The following SCARB2 variants were observed in gnomAD, a reference collection of about 807,000 sequenced individuals.
The protein encoded by SCARB2 is scavenger receptor class B member 2, also known as lysosome membrane protein 2.
Under a neutral mutation model 58.6 loss-of-function variants are expected in SCARB2, and 29 were observed. That is an observed-to-expected ratio of 0.49 (90% CI 0.37 to 0.67). The LOEUF (loss-of-function observed/expected upper bound fraction) is 0.67, where lower values mean the gene tolerates loss of function less well. SCARB2 is among the 30% of genes least tolerant of loss of function. The probability of loss-of-function intolerance (pLI) is 0.00; values close to 1 mark genes in which losing one functional copy is unlikely to be tolerated. For missense variants in SCARB2, 488 were observed against 578.5 expected (o/e 0.84, Z 1.60); for synonymous variants, 195 against 210.1 (o/e 0.93, Z 0.62).
intron 7 of SCARB2, among the ~76,000 whole-genome samples, chr4:76,171,703 CA>C (rs35331137): frequency 0.023 from 3,512 of 152,218 alleles, 120 homozygotes; most frequent in African/African-American, 0.08. Context: ...GCCAGATGCA[CA>C]CCAGATGAGG....
At chr4:76,181,667 C>T (rs1732389642) in intron 2 of SCARB2, among the ~76,000 whole-genome samples, 1 of 152,106 alleles carries the variant, frequency 6.6e-6, no homozygotes, top group Admixed American at 6.5e-5. Context: ...TGGGCTCAAA[C>T]AATCCTCCCA....
chr4:76,174,637 T>C (rs3821982), intron 6 of SCARB2: 64,222 of 330,692 alleles, frequency 0.19, 7,565 homozygotes, highest in African/African-American at 0.39. Context: ...CATGGACATA[T>C]GCCAGTGTGG....
At position 76,213,422 on chromosome 4, in the gene SCARB2, C is replaced by T. The variant is rs1240110428; in HGVS notation, c.117+5G>A. 6.3e-7 allele frequency: 1 copy of T among 1,598,970 alleles called. No homozygotes were observed. The highest frequency in any genetic ancestry group is 8.6e-7 in the Non-Finnish European group (1 of 1,168,664). ...ACAACACACACACAGCCCGCCCCGC[C>T]TCACCTTCTCGATACTCTGGTCTAC... On this transcript the variant is annotated splice_donor_5th_base_variant and intron_variant, in intron 1 of 11. Coordinates refer to ENST00000264896, the MANE Select transcript of SCARB2 (RefSeq NM_005506.4).
chr4:76,213,310 A>C, intron 1 of SCARB2, 117 bp downstream of exon 1: 2 of 756,622 alleles, frequency 2.6e-6, no homozygotes, highest in Non-Finnish European at 4.7e-6. Context: ...ACGCAAGAAG[A>C]GCTCTAGCGC....
Position 76,195,757 on chromosome 4 carries a change from G to A in SCARB2, c.225C>T (p.Ile75=). Residue 75 remains isoleucine (I), a synonymous_variant, in exon 2 of 12, where the codon ATC becomes ATT. Transcript: ENST00000264896. ...YFFNVTNPEE[I]LRGETPRVEE... ...CCACCCGAGGGGTCTCCCCTCTGAG[G>A]ATCTCCTCTGGATTGGTGACATTGA... is the stretch of plus-strand genomic sequence containing the variant. 1.2e-6 allele frequency: 2 copies of A among 1,614,072 alleles called. No individual in the cohort carries two copies. The highest frequency in any genetic ancestry group is 4.5e-5 in the East Asian group (2 of 44,878).
At chr4:76,213,866 GC>G (rs1733136877), upstream of SCARB2, 1 of 186,420 alleles carries the variant, frequency 5.4e-6, no homozygotes, top group Non-Finnish European at 1.1e-5. Flanking sequence ...GGCCGGGCTC[GC>G]CGCAACCCCG....
chr4:76,224,077 C>G (rs1330331494), intron 1 of SCARB2, among the ~76,000 whole-genome samples: 4 of 152,140 alleles, frequency 2.6e-5, no homozygotes, highest in Non-Finnish European at 5.9e-5. Context: ...AGGTATTAAA[C>G]CAGAATGTGA....
intron 2 of SCARB2, among the ~76,000 whole-genome samples, chr4:76,190,675 G>T (rs1042289747): frequency 6.6e-6 from 1 of 152,016 alleles, no homozygotes; most frequent in Non-Finnish European, 1.5e-5. Context: ...TCCCAGCTAC[G>T]GGGGAGGCTG....
At chr4:76,214,148 C>T, upstream of SCARB2, 2 of 446,278 alleles carry the variant, frequency 4.5e-6, no homozygotes, top group South Asian at 3.2e-5. Context: ...CCATGGGCCA[C>T]GCGCTGGGGA....
chr4:76,223,849 CAGAGTG>C (rs71907066), intron 1 of SCARB2, among the ~76,000 whole-genome samples: 9,065 of 152,176 alleles, frequency 0.06, 836 homozygotes, highest in African/African-American at 0.2. Flanking sequence ...TTTCCACCCT[CAGAGTG>C]AGTCTCCCTG....
intron 1 of SCARB2, among the ~76,000 whole-genome samples, chr4:76,224,388 G>C (rs761635999): frequency 5.9e-5 from 9 of 152,186 alleles, no homozygotes; most frequent in Non-Finnish European, 1.3e-4. Context: ...CACAGAAATG[G>C]AGAGAGGAGG....
At chr4:76,219,687 G>A (rs557347962) in intron 1 of SCARB2, among the ~76,000 whole-genome samples, 1 of 152,224 alleles carries the variant, frequency 6.6e-6, no homozygotes, top group African/African-American at 2.4e-5. Flanking sequence ...AGCCTGGAGT[G>A]GTGGGGAGAA....
At position 76,181,006 on chromosome 4, in the gene SCARB2, G is replaced by A; in HGVS notation, c.371C>T (p.Ser124Phe). ...NKAYVFERDQ[S>F]VGDPKIDLIR... is the part of the protein sequence containing the mutation. ...TAAGTCAATTTTAGGGTCTCCAACA[G>A]ATTGGTCTCGTTCAAAAACATAGGC... is the stretch of plus-strand genomic sequence containing the variant. Residue 124 changes from serine (S) to phenylalanine (F), a missense_variant, in exon 3 of 12, where the codon TCT becomes TTT. Physicochemically the swap from Ser to Phe is radical, Grantham distance 155. Coordinates refer to ENST00000264896, the MANE Select transcript of SCARB2 (RefSeq NM_005506.4). 1.9e-6 allele frequency: 3 copies of A among 1,613,720 alleles called. No homozygotes were observed. The highest frequency in any genetic ancestry group is 8.5e-7 in the Non-Finnish European group (1 of 1,179,838).
At chr4:76,228,770 T>C (rs916119929) in intron 1 of SCARB2, among the ~76,000 whole-genome samples, 4 of 152,178 alleles carry the variant, frequency 2.6e-5, no homozygotes, top group African/African-American at 7.2e-5. Flanking sequence ...TTTTGCCTCA[T>C]AGCTCTTAAG....
chr4:76,184,641 G>A (rs1732448866), intron 2 of SCARB2: 1 of 225,254 alleles, frequency 4.4e-6, no homozygotes, highest in Non-Finnish European at 9.0e-6. Flanking sequence ...AAAGAACCAG[G>A]CGTGGTGACA....
chr4:76,199,519 T>TAA (rs1361835083), intron 1 of SCARB2, among the ~76,000 whole-genome samples: 1 of 152,226 alleles, frequency 6.6e-6, no homozygotes, highest in African/African-American at 2.4e-5. Context: ...GGCAGGACAT[T>TAA]AACAACTGAT....
intron 4 of SCARB2, 48 bp from the exon 5 acceptor site, chr4:76,176,576 T>C (rs1272533394): frequency 3.0e-6 from 4 of 1,345,148 alleles, no homozygotes; most frequent in African/African-American, 2.9e-5. Context: ...GATAATTTTA[T>C]GACAACTTGG....
At chr4:76,169,068 C>A (rs1163109872) in intron 8 of SCARB2, among the ~76,000 whole-genome samples, 1 of 152,224 alleles carries the variant, frequency 6.6e-6, no homozygotes, top group African/African-American at 2.4e-5. Context: ...AACTGATCAG[C>A]TGATGGCTAA....
intron 5 of SCARB2, 164 bp from the exon 6 acceptor site, chr4:76,176,074 G>A: frequency 1.2e-6 from 1 of 859,702 alleles, no homozygotes; most frequent in Non-Finnish European, 1.8e-6. Context: ...AGAAAAAGTA[G>A]GTCCCTGGCC....
Sources: gnomAD v4.1 joint callset for allele counts (sites outside exome capture counted in the v4.1 genomes callset) on GRCh38, gnomAD v4.1.1 for gene constraint, MANE v1.5 for transcripts, NCBI Gene and HGNC (gene_info 2026-07-23, HGNC 2026-07-21) for gene names.